The following LRRC4C variants were observed in gnomAD, a reference collection of about 807,000 sequenced individuals.
LRRC4C encodes leucine rich repeat containing 4C.
In LRRC4C, 5 loss-of-function variants were observed where a neutral mutation model predicts 33.6. The observed-to-expected ratio is 0.15, with a 90% confidence interval of 0.08 to 0.31. The LOEUF is 0.31. LRRC4C is among the 10% of genes least tolerant of loss of function. LRRC4C has a pLI of 1.00. For synonymous variants in LRRC4C, 329 were observed against 302.0 expected (o/e 1.09, Z -0.93); for missense variants, 560 against 796.7 (o/e 0.70, Z 3.58).
At chr11:40,787,745 A>G (rs1376556756) in intron 2 of LRRC4C, among the ~76,000 whole-genome samples, 4 of 152,198 alleles carry the variant, frequency 2.6e-5, no homozygotes, top group African/African-American at 9.7e-5. Flanking sequence ...TACAATTACA[A>G]ACAAACCCGG....
At chr11:40,525,467 G>A (rs1956006187) in intron 3 of LRRC4C, among the ~76,000 whole-genome samples, 1 of 151,882 alleles carries the variant, frequency 6.6e-6, no homozygotes, top group African/African-American at 2.4e-5. Context: ...AAATGGCAGG[G>A]GGTGGCTGGA....
chr11:40,578,545 TTC>T (rs367604858), intron 3 of LRRC4C, among the ~76,000 whole-genome samples: 6 of 151,396 alleles, frequency 4.0e-5, no homozygotes, highest in African/African-American at 9.7e-5. Flanking sequence ...ACCTGTCTCT[TTC>T]TCTCTCTCTC....
At chr11:41,297,951 C>T (rs941485281) in intron 1 of LRRC4C, among the ~76,000 whole-genome samples, 2 of 152,002 alleles carry the variant, frequency 1.3e-5, no homozygotes, top group African/African-American at 2.4e-5. Context: ...CAGTAATAAC[C>T]CAGAGATAGC....
intron 2 of LRRC4C, among the ~76,000 whole-genome samples, chr11:40,846,442 C>T (rs1316748817): frequency 6.6e-6 from 1 of 152,074 alleles, no homozygotes; most frequent in African/African-American, 2.4e-5. Context: ...GGGAAGATTT[C>T]CCCATTGCTT....
chr11:41,191,059 A>G (rs1027205047), intron 1 of LRRC4C, among the ~76,000 whole-genome samples: 1 of 152,066 alleles, frequency 6.6e-6, no homozygotes, highest in African/African-American at 2.4e-5. Context: ...CTTTTCTCCC[A>G]GCTATTTTCT....
At chr11:41,094,240 T>C (rs531996781) in intron 1 of LRRC4C, among the ~76,000 whole-genome samples, 32 of 152,030 alleles carry the variant, frequency 2.1e-4, no homozygotes, top group Non-Finnish European at 2.9e-4. Flanking sequence ...CCTTTGCACT[T>C]GCTGTTAGCT....
intron 3 of LRRC4C, among the ~76,000 whole-genome samples, chr11:40,475,460 G>A (rs1953165627): frequency 6.6e-6 from 1 of 152,084 alleles, no homozygotes; most frequent in Non-Finnish European, 1.5e-5. Flanking sequence ...AGTGAGTGGG[G>A]GCTAGGGGAG....
At chr11:40,505,774 G>A (rs1955003531) in intron 3 of LRRC4C, among the ~76,000 whole-genome samples, 1 of 152,086 alleles carries the variant, frequency 6.6e-6, no homozygotes, top group Admixed American at 6.6e-5. Context: ...AAGAGGAAAT[G>A]GGAGCTCGAA....
At chr11:40,278,967 T>C (rs1943295517) in intron 4 of LRRC4C, among the ~76,000 whole-genome samples, 1 of 151,860 alleles carries the variant, frequency 6.6e-6, no homozygotes. Flanking sequence ...TCACTGGGAG[T>C]GCTGGGACAA....
intron 1 of LRRC4C, among the ~76,000 whole-genome samples, chr11:41,305,494 G>A (rs1198570320): frequency 4.1e-5 from 2 of 48,198 alleles, no homozygotes; most frequent in African/African-American, 9.6e-5. Context: ...TTGAGAAATC[G>A]GATGGTTGCC....
intron 2 of LRRC4C, among the ~76,000 whole-genome samples, chr11:40,659,913 G>A: frequency 6.6e-6 from 1 of 152,190 alleles, no homozygotes; most frequent in East Asian, 1.9e-4. Context: ...ACCAAATGGT[G>A]GGACTGAAAG....
intron 2 of LRRC4C, among the ~76,000 whole-genome samples, chr11:40,767,172 G>T (rs12575443): frequency 6.6e-6 from 1 of 151,756 alleles, no homozygotes; most frequent in Non-Finnish European, 1.5e-5. Context: ...AAAATAGCAG[G>T]AGTAGCTATA....
intron 2 of LRRC4C, among the ~76,000 whole-genome samples, chr11:40,791,120 C>A (rs994600603): frequency 6.6e-6 from 1 of 152,192 alleles, no homozygotes; most frequent in African/African-American, 2.4e-5. Context: ...CACTCCCCAC[C>A]TCTTCCAGAG....
At chr11:40,971,429 C>T (rs1402995896) in intron 1 of LRRC4C, among the ~76,000 whole-genome samples, 1 of 152,136 alleles carries the variant, frequency 6.6e-6, no homozygotes, top group Non-Finnish European at 1.5e-5. Context: ...GGTGTTAGGC[C>T]TGGGGGAGGA....
chr11:41,250,259 C>A (rs1948597231), intron 1 of LRRC4C, among the ~76,000 whole-genome samples: 1 of 152,110 alleles, frequency 6.6e-6, no homozygotes, highest in Non-Finnish European at 1.5e-5. Flanking sequence ...AGTTGTTTCA[C>A]AAAAGTTAGT....
chr11:41,407,412 C>T (rs1485448676), intron 1 of LRRC4C, among the ~76,000 whole-genome samples: 1 of 151,740 alleles, frequency 6.6e-6, no homozygotes, highest in African/African-American at 2.4e-5. Context: ...AGCAATCCTC[C>T]CATTTCAGCT....
intron 2 of LRRC4C, among the ~76,000 whole-genome samples, chr11:40,705,934 A>G (rs530599272): frequency 1.3e-5 from 2 of 152,208 alleles, no homozygotes; most frequent in East Asian, 3.9e-4. Flanking sequence ...TGTGGTTTTG[A>G]TGTGCATTTC....
chr11:41,102,926 C>A (rs1036930891), intron 1 of LRRC4C, among the ~76,000 whole-genome samples: 2 of 151,540 alleles, frequency 1.3e-5, no homozygotes, highest in African/African-American at 4.8e-5. Context: ...TGATGACTTG[C>A]CAAATATAAC....
chr11:40,308,515 G>C (rs1360602078), intron 4 of LRRC4C, among the ~76,000 whole-genome samples: 1 of 152,180 alleles, frequency 6.6e-6, no homozygotes, highest in Non-Finnish European at 1.5e-5. Flanking sequence ...TGAAATGGGA[G>C]ATTATCCTGG....
Sources: gnomAD v4.1 joint callset for allele counts (sites outside exome capture counted in the v4.1 genomes callset) on GRCh38, gnomAD v4.1.1 for gene constraint, MANE v1.5 for transcripts, NCBI Gene and HGNC (gene_info 2026-07-23, HGNC 2026-07-21) for gene names.